TENM3: variants seen among roughly 807,000 people sequenced by gnomAD.
The protein encoded by TENM3 is teneurin-3.
Under a neutral mutation model 255.1 loss-of-function variants are expected in TENM3, and 63 were observed. That is an observed-to-expected ratio of 0.25 (90% CI 0.20 to 0.30). The LOEUF is 0.30. Ranked by LOEUF, TENM3 falls within the 10% of genes least tolerant of loss-of-function variation. The pLI is 1.00. For synonymous variants in TENM3, 1,306 were observed against 1,322.3 expected (o/e 0.99, Z 0.27); for missense variants, 2,929 against 3,461.1 (o/e 0.85, Z 3.86).
rs1390117166 is a variant in TENM3, at chr4:182,388,425, A to G, written c.511+41496A>G. Reference sequence around the variant, plus strand: ...GTTTCTACGCACTAAGCTGTGTTACATCTTTTGAATCCTTATTTTGTTTAA... The same window carrying G: ...GTTTCTACGCACTAAGCTGTGTTACGTCTTTTGAATCCTTATTTTGTTTAA... On this transcript the variant is annotated intron_variant, in intron 3 of 27. Transcript: ENST00000511685. Among the ~76,000 whole-genome samples the G allele has an allele frequency of 3.9e-5, 6 of 152,340 alleles. 1 individual carries two copies. The East Asian group carries it at 1.2e-3, about 29-fold the overall frequency.
At chr4:181,872,952 T>TTC in the TENM3 span, among the ~76,000 whole-genome samples, 5 of 152,334 alleles carry the variant, frequency 3.3e-5, no homozygotes, top group East Asian at 1.9e-4. Context: ...AATTGCCTTA[T>TTC]TCTCTTATTT....
At chr4:182,765,746 T>C (rs919581257) in intron 22 of TENM3, among the ~76,000 whole-genome samples, 23 of 152,216 alleles carry the variant, frequency 1.5e-4, no homozygotes, top group African/African-American at 4.6e-4. Flanking sequence ...AGCCCCTGTC[T>C]GGATTTTCCT....
the TENM3 span, among the ~76,000 whole-genome samples, chr4:181,788,403 T>A: frequency 1.4e-4 from 22 of 152,338 alleles, no homozygotes; most frequent in East Asian, 4.2e-3. Flanking sequence ...CCAAGCACTT[T>A]ACATCTGCTC....
the TENM3 span, among the ~76,000 whole-genome samples, chr4:181,616,931 G>A: frequency 2.6e-4 from 40 of 152,220 alleles, no homozygotes; most frequent in East Asian, 4.4e-3. Flanking sequence ...GGACATACTC[G>A]TAAATAATGC....
At chr4:181,816,957 C>T in the TENM3 span, among the ~76,000 whole-genome samples, 1 of 152,166 alleles carries the variant, frequency 6.6e-6, no homozygotes. Context: ...GATAGTTTCT[C>T]ATTTTATAGA....
chr4:182,140,995 C>A (rs1238599311), upstream of TENM3, among the ~76,000 whole-genome samples: 1 of 150,060 alleles, frequency 6.7e-6, no homozygotes, highest in South Asian at 2.1e-4. Flanking sequence ...ATCCCTCCCC[C>A]CCGCCCCCCA....
the TENM3 span, among the ~76,000 whole-genome samples, chr4:182,048,140 C>T: frequency 6.6e-6 from 1 of 152,028 alleles, no homozygotes; most frequent in Admixed American, 6.6e-5. Context: ...TTCATCAGTT[C>T]CCCCCACAAT....
intron 3 of TENM3, among the ~76,000 whole-genome samples, chr4:182,413,549 G>A (rs1220726792): frequency 6.6e-6 from 1 of 152,032 alleles, no homozygotes; most frequent in Non-Finnish European, 1.5e-5. Context: ...CTGGGAAGCG[G>A]AGGTTGCAGT....
chr4:181,955,166 CT>C, the TENM3 span, among the ~76,000 whole-genome samples: 2 of 151,990 alleles, frequency 1.3e-5, no homozygotes, highest in Non-Finnish European at 2.9e-5. Flanking sequence ...GAAGCTGTAG[CT>C]TTTTTTTATT....
At chr4:181,553,198 G>A in the TENM3 span, among the ~76,000 whole-genome samples, 79 of 151,602 alleles carry the variant, frequency 5.2e-4, no homozygotes, top group South Asian at 0.016. Context: ...TGAAGATCCA[G>A]AAAATTTTAG....
At chr4:181,604,221 C>A in the TENM3 span, among the ~76,000 whole-genome samples, 1 of 151,942 alleles carries the variant, frequency 6.6e-6, no homozygotes, top group African/African-American at 2.4e-5. Context: ...GCCGAGATCG[C>A]GCCACAGCAC....
chr4:181,538,287 T>A, the TENM3 span, among the ~76,000 whole-genome samples: 1 of 152,208 alleles, frequency 6.6e-6, no homozygotes, highest in Non-Finnish European at 1.5e-5. Context: ...ATGGCCAGAA[T>A]AAGCTGAAAT....
rs115282853 is a variant in TENM3, at chr4:182,189,499, A to G, written c.-76+44745A>G. On this transcript the variant is annotated intron_variant, in intron 1 of 2. Transcript: ENST00000512480. ...AGTTAGGGGGAAAGATCCACTGGGA[A>G]ACTAGATATGGAGACTGTGTAGCAT... 1.4e-3 allele frequency among the ~76,000 whole-genome samples: 206 copies of G among 152,316 alleles called. 1 individual carries two copies. The highest frequency in any genetic ancestry group is 4.8e-3 in the African/African-American group (198 of 41,580).
chr4:182,461,688 T>G (rs528241473), intron 3 of TENM3, among the ~76,000 whole-genome samples: 1 of 152,322 alleles, frequency 6.6e-6, no homozygotes, highest in South Asian at 2.1e-4. Context: ...CTTCTTAAAC[T>G]TATTAAGAAC....
the TENM3 span, among the ~76,000 whole-genome samples, chr4:181,616,354 C>CATATATATCAATAGGATATAT: frequency 4.5e-5 from 6 of 132,732 alleles, no homozygotes; most frequent in Non-Finnish European, 6.3e-5. Context: ...CACACGTATG[C>CATATATATCAATAGGATATAT]ATATATATCA....
the TENM3 span, among the ~76,000 whole-genome samples, chr4:181,788,413 C>G: frequency 6.6e-6 from 1 of 152,164 alleles, no homozygotes; most frequent in South Asian, 2.1e-4. Context: ...TACATCTGCT[C>G]CTTATTAAAT....
At chr4:182,542,416 C>G (rs1297844049) in intron 3 of TENM3, among the ~76,000 whole-genome samples, 2 of 152,108 alleles carry the variant, frequency 1.3e-5, no homozygotes, top group East Asian at 3.9e-4. Context: ...AATGTAAATT[C>G]AATGGGCAAA....
chr4:182,793,068 T>G lies in TENM3; in HGVS notation c.6396T>G (p.Tyr2132Ter). The G allele has an allele frequency of 6.2e-7, 1 of 1,613,926 alleles. No homozygotes were observed. Among genetic ancestry groups the G allele is most frequent in the Non-Finnish European group, 8.5e-7 (1 of 1,179,880 alleles). The stretch of plus-strand genomic sequence containing the variant: ...ACACCACCAAATATGCTTATGAATA[T>G]GATGTTGATGGACAGCTCCAAACAG... ...FANTTKYAYE[Y>*]DVDGQLQTVY... Residue 2132 changes from tyrosine (Y) to a stop codon, truncating the protein, a stop_gained, in exon 26 of 28, where the codon TAT (tyrosine) becomes TAG (stop). Coordinates refer to ENST00000511685, the MANE Select transcript of TENM3 (RefSeq NM_001080477.4). LOFTEE classifies it high-confidence loss of function. This position sits in a 1 kb window ranked among gnomAD's most constrained non-coding sequence, Gnocchi z 5.7.
the TENM3 span, among the ~76,000 whole-genome samples, chr4:181,539,037 C>A: frequency 6.6e-6 from 1 of 152,130 alleles, no homozygotes; most frequent in African/African-American, 2.4e-5. Flanking sequence ...CATATATAGG[C>A]TAAAATCCAA....
Sources: gnomAD v4.1 joint callset for allele counts (sites outside exome capture counted in the v4.1 genomes callset) on GRCh38, gnomAD v4.1.1 for gene constraint, Gnocchi (gnomAD v3.1) non-coding constraint, MANE v1.5 for transcripts, NCBI Gene and HGNC (gene_info 2026-07-23, HGNC 2026-07-21) for gene names.